Variants in TSPAN1 observed in about 807,000 individuals in gnomAD.
TSPAN1 encodes the protein tetraspanin-1.
In TSPAN1, 23 loss-of-function variants were observed where a neutral mutation model predicts 26.9. The ratio of observed to expected loss-of-function variants is 0.85; its 90% CI spans 0.62 to 1.21. TSPAN1 has a LOEUF of 1.21. TSPAN1 is among the 50% of genes most tolerant of loss of function. The pLI is 0.00. For synonymous variants in TSPAN1, 115 were observed against 114.8 expected (o/e 1.00, Z -0.01); for missense variants, 283 against 298.4 (o/e 0.95, Z 0.38).
At chr1:46,178,490 C>T (rs1362188254) in intron 1 of TSPAN1, among the ~76,000 whole-genome samples, 1 of 151,734 alleles carries the variant, frequency 6.6e-6, no homozygotes, top group Non-Finnish European at 1.5e-5. Flanking sequence ...CTGTGGCACC[C>T]TTAGTACCAC....
At chr1:46,191,940 C>G in the TSPAN1 span, 1 of 1,263,630 alleles carries the variant, frequency 7.9e-7, no homozygotes, top group Non-Finnish European at 1.1e-6. Flanking sequence ...AGCCCTTTAT[C>G]CTCATTTTTC....
At chr1:46,188,852 T>C (rs750507609), downstream of TSPAN1, 2 of 1,612,862 alleles carry the variant, frequency 1.2e-6, no homozygotes, top group South Asian at 1.1e-5. Flanking sequence ...CACAGCAGTT[T>C]CCTGAGTAAG....
chr1:46,176,291 T>G (rs1232012728), intron 1 of TSPAN1: 1 of 1,535,676 alleles, frequency 6.5e-7, no homozygotes, highest in Non-Finnish European at 8.7e-7. Context: ...CCCATGGCCC[T>G]GGTGGCAGGA....
At chr1:46,188,773 G>T, downstream of TSPAN1, 1 of 1,612,864 alleles carries the variant, frequency 6.2e-7, no homozygotes, top group Non-Finnish European at 8.5e-7. Context: ...GCCTGGTCCA[G>T]TGTCTAAGGG....
rs1657378629 is a variant in TSPAN1 at position 46,184,383 on chromosome 1, TGTG to T, written c.251_253del (p.Cys84_Ala85delinsSer). ...CTATGGTGCTAAGACTGAGAGCAAG[TGTG>T]CCCTCGTGACGGTGTGTGAAACCCA... On this transcript the variant is annotated inframe_deletion, in exon 4 of 9. Coordinates refer to ENST00000372003, the MANE Select transcript of TSPAN1 (RefSeq NM_005727.4). 1 of 1,613,994 alleles carries T rather than the reference TGTG, an allele frequency of 6.2e-7. No homozygotes were observed.
the TSPAN1 span, among the ~76,000 whole-genome samples, chr1:46,196,451 G>A: frequency 6.6e-6 from 1 of 152,252 alleles, no homozygotes; most frequent in African/African-American, 2.4e-5. This position sits in a 1 kb window ranked among gnomAD's most constrained non-coding sequence, Gnocchi z 4.4. Flanking sequence ...GAAAGGACCA[G>A]GGGATGGTTA....
rs974300641 is a variant in TSPAN1, at chr1:46,179,897, A to C, written c.-141-629A>C. On this transcript the variant is annotated intron_variant, in intron 1 of 8. Transcript: ENST00000372003. The stretch of plus-strand genomic sequence containing the variant: ...GAACTATTTGCTACTCGCAGGAGAG[A>C]GCGGAAGCTGCCAAATCTCAGTCAT... Among the ~76,000 whole-genome samples the C allele has an allele frequency of 1.8e-4, 28 of 152,136 alleles. 1 individual carries two copies. Among genetic ancestry groups the C allele is most frequent in the African/African-American group, 6.5e-4 (27 of 41,406 alleles).
At chr1:46,177,919 T>C (rs1247930950) in intron 1 of TSPAN1, among the ~76,000 whole-genome samples, 1 of 152,146 alleles carries the variant, frequency 6.6e-6, no homozygotes, top group Non-Finnish European at 1.5e-5. Flanking sequence ...AGCAAATCCA[T>C]GATGATCAAG....
At chr1:46,194,430 G>A in the TSPAN1 span, 4 of 1,614,134 alleles carry the variant, frequency 2.5e-6, no homozygotes, top group Non-Finnish European at 2.5e-6. Context: ...TGTCATGGAG[G>A]CATGGGGCCA....
downstream of TSPAN1, chr1:46,189,255 G>A: frequency 6.2e-7 from 1 of 1,612,194 alleles, no homozygotes; most frequent in Non-Finnish European, 8.5e-7. Flanking sequence ...GCCCCGCAGG[G>A]TCCTGGAGGA....
At chr1:46,179,698 C>G (rs1657265727) in intron 1 of TSPAN1, among the ~76,000 whole-genome samples, 1 of 152,046 alleles carries the variant, frequency 6.6e-6, no homozygotes, top group Non-Finnish European at 1.5e-5. Flanking sequence ...CTGGGGGTGG[C>G]TCCTTCATGA....
At chr1:46,194,887 G>A in the TSPAN1 span, 3 of 1,614,146 alleles carry the variant, frequency 1.9e-6, no homozygotes, top group Non-Finnish European at 2.5e-6. Flanking sequence ...TCCAGCCCAG[G>A]GCAGGGCCAG....
chr1:46,193,525 G>A, the TSPAN1 span: 1 of 1,614,062 alleles, frequency 6.2e-7, no homozygotes, highest in Non-Finnish European at 8.5e-7. Context: ...GCTGCTCCAT[G>A]TTGTACTCCA....
At chr1:46,181,754 G>C (rs1340136317) in intron 3 of TSPAN1, among the ~76,000 whole-genome samples, 1 of 152,216 alleles carries the variant, frequency 6.6e-6, no homozygotes, top group South Asian at 2.1e-4. Flanking sequence ...CAGTGTGTTT[G>C]GGCTTAGGAC....
rs1036440330 is a variant in TSPAN1, at chr1:46,184,234, T to G, written c.101T>G (p.Ile34Ser). ...TTGGCAGTGGGCATCTGGGTGTCAA[T>G]CGATGGGGCATCCTTTCTGAAGATC... ...ALLAVGIWVS[I>S]DGASFLKIFG... The change falls in exon 4 of 9, where the codon ATC becomes AGC. Residue 34 changes from isoleucine to serine, a missense_variant. Ile to Ser is a moderately radical substitution (Grantham distance 142, BLOSUM62 -2). Coordinates refer to ENST00000372003, the MANE Select transcript of TSPAN1 (RefSeq NM_005727.4). The G allele has an allele frequency of 5.6e-6, 9 of 1,614,046 alleles. No homozygotes were observed. The African/African-American group carries it at 1.2e-4, about 22-fold the overall frequency.
At chr1:46,184,730 C>A in intron 5 of TSPAN1, 55 bp from the exon 6 acceptor site, 1 of 1,613,326 alleles carries the variant, frequency 6.2e-7, no homozygotes, top group South Asian at 1.1e-5. Context: ...TGGGCTGTGG[C>A]CTGTGAATGG....
chr1:46,176,007 G>A lies in TSPAN1; in HGVS notation c.-142+598G>A, dbSNP rs148064995. On this transcript the variant is annotated intron_variant, in intron 1 of 8. Transcript: ENST00000372003. ...CCTGCCTCAGCCTCCCAAGTAGCTG[G>A]GACTAAAGGCGTGTGCCACCACGCC... Among the ~76,000 whole-genome samples, 727 of 152,202 alleles carry A rather than the reference G, an allele frequency of 4.8e-3. 12 individuals are homozygous for A. Among genetic ancestry groups the A allele is most frequent in the East Asian group, 0.047 (240 of 5,160 alleles).
chr1:46,194,328 A>G, the TSPAN1 span: 3 of 1,614,134 alleles, frequency 1.9e-6, no homozygotes, highest in Admixed American at 3.3e-5. Context: ...ATACACTTCC[A>G]TAGCCCTCAA....
chr1:46,192,367 C>A, the TSPAN1 span: 1 of 1,614,202 alleles, frequency 6.2e-7, no homozygotes, highest in Non-Finnish European at 8.5e-7. Flanking sequence ...CTCCTGAGCA[C>A]CCAGCCCAGC....
Sources: gnomAD v4.1 joint callset for allele counts (sites outside exome capture counted in the v4.1 genomes callset) on GRCh38, gnomAD v4.1.1 for gene constraint, Gnocchi (gnomAD v3.1) non-coding constraint, MANE v1.5 for transcripts, NCBI Gene and HGNC (gene_info 2026-07-23, HGNC 2026-07-21) for gene names.